The following ESRRG variants were observed in gnomAD, a reference collection of about 807,000 sequenced individuals.
The protein encoded by ESRRG is estrogen related receptor gamma, also known as estrogen-related receptor gamma.
ESRRG carries 13 observed loss-of-function variants against 44.0 expected under a neutral mutation model. That is an observed-to-expected ratio of 0.30 (90% confidence interval 0.19 to 0.47). The LOEUF is 0.47. Among genes scored for constraint, ESRRG ranks in the 20% least tolerant of loss-of-function variants. ESRRG has a pLI of 1.00. For missense variants in ESRRG, 395 were observed against 580.6 expected (o/e 0.68, Z 3.29); for synonymous variants, 215 against 214.6 (o/e 1.00, Z -0.02).
intron 5 of ESRRG, among the ~76,000 whole-genome samples, chr1:216,555,484 G>T (rs1272578383): frequency 6.6e-6 from 1 of 150,764 alleles, no homozygotes; most frequent in African/African-American, 2.4e-5. Flanking sequence ...TATAGTGTGT[G>T]TTATCATATC....
chr1:216,952,163 C>T (rs1052120006), intron 1 of ESRRG, among the ~76,000 whole-genome samples: 6 of 152,090 alleles, frequency 3.9e-5, no homozygotes, highest in Admixed American at 6.6e-5. Context: ...TACCACAACC[C>T]GAAAACTTTC....
At chr1:217,056,616 G>T (rs1281430959) in intron 1 of ESRRG, among the ~76,000 whole-genome samples, 2 of 151,418 alleles carry the variant, frequency 1.3e-5, no homozygotes, top group Non-Finnish European at 2.9e-5. Context: ...AAACATAAAG[G>T]ACACAATTTA....
At chr1:216,573,438 A>G (rs1025180039) in intron 3 of ESRRG, among the ~76,000 whole-genome samples, 1 of 151,924 alleles carries the variant, frequency 6.6e-6, no homozygotes, top group Non-Finnish European at 1.5e-5. Context: ...TAATGATCCA[A>G]TAACATTACA....
At chr1:216,759,256 G>A (rs1458194237) in intron 2 of ESRRG, among the ~76,000 whole-genome samples, 1 of 152,118 alleles carries the variant, frequency 6.6e-6, no homozygotes, top group Non-Finnish European at 1.5e-5. Flanking sequence ...AAGCCTGCCT[G>A]TTGCTGCTCA....
intron 6 of ESRRG, among the ~76,000 whole-genome samples, chr1:216,511,611 G>A (rs1052310307): frequency 3.4e-5 from 5 of 147,206 alleles, no homozygotes; most frequent in African/African-American, 5.0e-5. Flanking sequence ...CCCCAGCTCC[G>A]TACTTATGTA....
chr1:216,873,356 C>T (rs962889535), intron 2 of ESRRG, among the ~76,000 whole-genome samples: 22 of 151,890 alleles, frequency 1.4e-4, no homozygotes, highest in East Asian at 5.8e-4. Context: ...GGATTACAGG[C>T]GCCAGCCAGC....
chr1:217,102,441 A>G (rs1232643290), intron 1 of ESRRG, among the ~76,000 whole-genome samples: 1 of 151,676 alleles, frequency 6.6e-6, no homozygotes, highest in East Asian at 1.9e-4. Flanking sequence ...TGCTGTTAAA[A>G]CTCCTCTTTT....
At chr1:217,081,287 G>A (rs1413269870) in intron 1 of ESRRG, among the ~76,000 whole-genome samples, 1 of 120,552 alleles carries the variant, frequency 8.3e-6, no homozygotes, top group Non-Finnish European at 1.6e-5. Context: ...GAGTGCAATG[G>A]CACAATCTCG....
At chr1:216,771,666 T>C (rs1406377609) in intron 2 of ESRRG, among the ~76,000 whole-genome samples, 1 of 152,126 alleles carries the variant, frequency 6.6e-6, no homozygotes, top group African/African-American at 2.4e-5. Context: ...GAACAATTAA[T>C]AGGCCTCTAC....
intron 3 of ESRRG, among the ~76,000 whole-genome samples, chr1:216,588,281 A>T (rs72737316): frequency 0.15 from 22,463 of 152,124 alleles, 2,146 homozygotes; most frequent in Non-Finnish European, 0.21. Flanking sequence ...TATTGCTATT[A>T]TGTCTCTTGT....
rs6691085 is a variant in ESRRG, at chr1:216,677,067, G to C, written c.472+9C>G. 6.2e-7 allele frequency: 1 copy of C among 1,608,546 alleles called. No homozygotes were observed. Among genetic ancestry groups the C allele is most frequent in the East Asian group, 2.2e-5 (1 of 44,808 alleles). ...AAGTGGGGAGAGTATTCCCAGGTCCGACACTAACCTTGAATTGTCCTCTTG... is the reference window on the plus strand; with the variant it reads ...AAGTGGGGAGAGTATTCCCAGGTCCCACACTAACCTTGAATTGTCCTCTTG... On this transcript the variant is annotated intron_variant, in intron 2 of 6. Transcript: ENST00000408911.
chr1:216,542,689 T>C (rs950481125), intron 5 of ESRRG, among the ~76,000 whole-genome samples: 27 of 152,020 alleles, frequency 1.8e-4, no homozygotes, highest in South Asian at 4.1e-4. Context: ...ACTCCAACTG[T>C]GTTTTAAAAC....
At chr1:217,006,017 TTAAC>T (rs1372476768) in intron 1 of ESRRG, among the ~76,000 whole-genome samples, 3 of 152,104 alleles carry the variant, frequency 2.0e-5, no homozygotes, top group African/African-American at 7.2e-5. Flanking sequence ...AGACTAATGA[TTAAC>T]TAACACAACT....
chr1:216,745,652 T>C (rs1442356104), intron 2 of ESRRG, among the ~76,000 whole-genome samples: 1 of 152,188 alleles, frequency 6.6e-6, no homozygotes, highest in Non-Finnish European at 1.5e-5. Context: ...TGCAGGCTGG[T>C]TAGCCAATTG....
At chr1:216,729,950 G>GA (rs1284143826) in intron 2 of ESRRG, among the ~76,000 whole-genome samples, 1 of 152,152 alleles carries the variant, frequency 6.6e-6, no homozygotes, top group Non-Finnish European at 1.5e-5. Context: ...GGGCAATGGG[G>GA]AATTACAGGC....
intron 1 of ESRRG, among the ~76,000 whole-genome samples, chr1:217,043,172 GA>G (rs1480783958): frequency 6.6e-6 from 1 of 152,032 alleles, no homozygotes; most frequent in East Asian, 1.9e-4. Flanking sequence ...CATCCATCAA[GA>G]AACTCAGCAA....
At chr1:216,958,286 A>G (rs1231078678) in intron 1 of ESRRG, among the ~76,000 whole-genome samples, 3 of 152,184 alleles carry the variant, frequency 2.0e-5, no homozygotes. Context: ...GTTCTTGAGT[A>G]AACACCTGAG....
chr1:216,690,759 C>T (rs1204899600), intron 1 of ESRRG, among the ~76,000 whole-genome samples: 3 of 152,190 alleles, frequency 2.0e-5, no homozygotes, highest in East Asian at 3.9e-4. Context: ...CTCTCATTTA[C>T]ACACAATGGA....
In ESRRG at chr1:216,723,281, A is replaced by C. The variant is rs2152079851; in HGVS notation, c.19T>G (p.Cys7Gly). ...TGCAGGGAAAAAGATTCAGGAAGGC[A>C]AAGTTCTACCGAATCCATGTGCGAC... MDSVEL[C>G]LPESFSLHYE... The change falls in exon 1 of 7, where the codon TGC (cysteine) becomes GGC (glycine). Residue 7 changes from cysteine (C) to glycine (G), a missense_variant. Cys to Gly is a radical substitution (Grantham distance 159, BLOSUM62 -3). Transcript: ENST00000408911. 1 of 1,614,114 alleles carries C rather than the reference A, an allele frequency of 6.2e-7. No individual in the cohort carries two copies. The highest frequency in any genetic ancestry group is 8.5e-7 in the Non-Finnish European group (1 of 1,180,010).
Sources: gnomAD v4.1 joint callset for allele counts (sites outside exome capture counted in the v4.1 genomes callset) on GRCh38, gnomAD v4.1.1 for gene constraint, MANE v1.5 for transcripts, NCBI Gene and HGNC (gene_info 2026-07-23, HGNC 2026-07-21) for gene names.